The following SORCS1 variants were observed in gnomAD, a reference collection of about 807,000 sequenced individuals.
SORCS1 encodes sortilin related VPS10 domain containing receptor 1.
SORCS1 carries 60 observed loss-of-function variants against 146.1 expected under a neutral mutation model. The observed-to-expected ratio is 0.41, with a 90% CI of 0.33 to 0.51. The LOEUF (loss-of-function observed/expected upper bound fraction) is 0.51. Among genes scored for constraint, SORCS1 ranks in the 20% least tolerant of loss-of-function variants. SORCS1 has a pLI of 0.21. For synonymous variants in SORCS1, 637 were observed against 584.0 expected (o/e 1.09, Z -1.31); for missense variants, 1,352 against 1,487.6 (o/e 0.91, Z 1.50).
intron 4 of SORCS1, among the ~76,000 whole-genome samples, chr10:106,775,989 T>G (rs1385888285): frequency 6.6e-6 from 1 of 152,200 alleles, no homozygotes; most frequent in African/African-American, 2.4e-5. Context: ...TAATCCTTTC[T>G]TACGAAGTGG....
intron 1 of SORCS1, among the ~76,000 whole-genome samples, chr10:107,033,720 G>A (rs1589978413): frequency 1.3e-5 from 2 of 152,180 alleles, no homozygotes; most frequent in African/African-American, 4.8e-5. Flanking sequence ...AAAGCGGCTA[G>A]AGTTTAGCTA....
intron 19 of SORCS1, among the ~76,000 whole-genome samples, chr10:106,628,006 TGA>T (rs1489631097): frequency 6.6e-6 from 1 of 152,134 alleles, no homozygotes; most frequent in African/African-American, 2.4e-5. Flanking sequence ...TTTTGAGAAG[TGA>T]GATAACATAT....
chr10:106,963,471 C>G (rs926449106), intron 1 of SORCS1, among the ~76,000 whole-genome samples: 2 of 152,192 alleles, frequency 1.3e-5, no homozygotes, highest in African/African-American at 2.4e-5. Flanking sequence ...AAGCAGCAAA[C>G]TCACAGCACT....
intron 1 of SORCS1, among the ~76,000 whole-genome samples, chr10:107,000,669 C>G (rs1328647934): frequency 1.3e-5 from 2 of 150,824 alleles, no homozygotes; most frequent in African/African-American, 2.4e-5. Flanking sequence ...CAAGCTAATA[C>G]CTGGCTTACA....
At chr10:106,631,102 A>C (rs1848414678) in intron 18 of SORCS1, among the ~76,000 whole-genome samples, 1 of 152,226 alleles carries the variant, frequency 6.6e-6, no homozygotes, top group East Asian at 1.9e-4. Context: ...AAATGTTGAC[A>C]TTTAAAAGAT....
At chr10:106,940,600 T>C (rs1953989391) in intron 2 of SORCS1, among the ~76,000 whole-genome samples, 1 of 152,192 alleles carries the variant, frequency 6.6e-6, no homozygotes, top group African/African-American at 2.4e-5. Context: ...AAAAGTAGGC[T>C]TGGCTGGACA....
At chr10:107,050,230 T>A (rs955605095) in intron 1 of SORCS1, among the ~76,000 whole-genome samples, 1 of 152,210 alleles carries the variant, frequency 6.6e-6, no homozygotes, top group African/African-American at 2.4e-5. Context: ...CACATAATGG[T>A]TAGATTTCTT....
intron 1 of SORCS1, among the ~76,000 whole-genome samples, chr10:107,000,680 C>G (rs565571359): frequency 6.6e-6 from 1 of 150,998 alleles, no homozygotes; most frequent in East Asian, 1.9e-4. Context: ...CTGGCTTACA[C>G]AAAATGGAGG....
chr10:107,003,699 G>A (rs1463896844), intron 1 of SORCS1, among the ~76,000 whole-genome samples: 1 of 151,970 alleles, frequency 6.6e-6, no homozygotes, highest in Non-Finnish European at 1.5e-5. Flanking sequence ...GGAGTCTCTG[G>A]CCTTGTGAAG....
chr10:106,799,281 A>G (rs1248124710), intron 3 of SORCS1, among the ~76,000 whole-genome samples: 1 of 152,238 alleles, frequency 6.6e-6, no homozygotes, highest in African/African-American at 2.4e-5. Flanking sequence ...AAAACCCTAG[A>G]AGAAAACCTA....
chr10:106,748,507 C>T (rs549123623), intron 5 of SORCS1, among the ~76,000 whole-genome samples: 4 of 152,188 alleles, frequency 2.6e-5, no homozygotes, highest in African/African-American at 7.2e-5. Flanking sequence ...CTCAGGCCTC[C>T]CTATTCCCCG....
At chr10:106,587,116 C>T (rs1845288479) in intron 24 of SORCS1, among the ~76,000 whole-genome samples, 1 of 152,108 alleles carries the variant, frequency 6.6e-6, no homozygotes, top group African/African-American at 2.4e-5. Flanking sequence ...TGAAAAGCCG[C>T]TGGGTCTATG....
Position 106,575,951 on chromosome 10 carries a change from A to G in SORCS1, c.*1469T>C, listed in dbSNP as rs1844556801. ...TGCCCTGCGAAATTGTCACACATTC[A>G]AAACATTTCTCACAAGAATCTTCTG... On this transcript the variant is annotated 3_prime_UTR_variant, in exon 26 of 26. Coordinates refer to ENST00000263054, the MANE Select transcript of SORCS1 (RefSeq NM_052918.5). 6.5e-6 allele frequency: 1 copy of G among 152,676 alleles called. No individual in the cohort carries two copies. Among genetic ancestry groups the G allele is most frequent in the African/African-American group, 2.4e-5 (1 of 41,476 alleles). The allele number at this position is 152,676 out of a possible 1,614,324, so 9.5% of individuals were successfully genotyped here.
Position 106,577,455 on chromosome 10 carries a change from T to C in SORCS1, c.3472A>G (p.Lys1158Glu). The C allele has an allele frequency of 6.2e-7, 1 of 1,614,028 alleles. No individual in the cohort carries two copies. The highest frequency in any genetic ancestry group is 8.5e-7 in the Non-Finnish European group (1 of 1,179,930). The change falls in exon 26 of 26, where the codon AAG (lysine) becomes GAG (glutamate). Residue 1158 changes from lysine (K) to glutamate (E), a missense_variant. Around this residue, in one of 3 missense-constraint regions of SORCS1, gnomAD observed 214 missense variants for 204.8 expected, o/e 1.05. Transcript: ENST00000263054. Reference protein sequence around the residue: ...ARHATPPSTPKRGSAGAQYAI With the variant: ...ARHATPPSTPERGSAGAQYAI ...TACTGTGCCCCAGCAGATCCCCGCT[T>C]TGGCGTTGAAGGCGGAGTGGCGTGT...
chr10:107,071,076 C>T (rs1962378685), intron 1 of SORCS1, among the ~76,000 whole-genome samples: 1 of 152,178 alleles, frequency 6.6e-6, no homozygotes, highest in Non-Finnish European at 1.5e-5. Context: ...AGGCTGGGCA[C>T]ACGACAGTGA....
chr10:106,774,426 A>AGTGTGTGTGT lies in SORCS1; in HGVS notation c.885+2098_885+2107dup, dbSNP rs3045083. Among the ~76,000 whole-genome samples, 235 of 147,732 alleles carry AGTGTGTGTGT rather than the reference A, an allele frequency of 1.6e-3. 2 individuals are homozygous for AGTGTGTGTGT. The highest frequency in any genetic ancestry group is 3.4e-3 in the South Asian group (16 of 4,642). On this transcript the variant is annotated intron_variant, in intron 4 of 25. Transcript: ENST00000263054. ...AAAAATAATAAGGATTAGGTTCCAA[A>AGTGTGTGTGT]GTGTGTGTGTGTGTGTGTGTGTGTG...
chr10:106,886,829 C>T (rs1053247756), intron 2 of SORCS1, among the ~76,000 whole-genome samples: 20 of 152,112 alleles, frequency 1.3e-4, no homozygotes, highest in African/African-American at 3.9e-4. Context: ...ATGTATTAGA[C>T]GATACAAATA....
At chr10:107,163,577 C>T (rs1229154892) in intron 1 of SORCS1, among the ~76,000 whole-genome samples, 2 of 152,230 alleles carry the variant, frequency 1.3e-5, no homozygotes, top group Non-Finnish European at 2.9e-5. Context: ...GTACATAGGT[C>T]TGGCAAGTAA....
At chr10:106,669,925 T>C (rs1340334653) in intron 16 of SORCS1, among the ~76,000 whole-genome samples, 1 of 152,228 alleles carries the variant, frequency 6.6e-6, no homozygotes, top group Non-Finnish European at 1.5e-5. Context: ...TTAACTTTTC[T>C]AAGATATGTG....
Sources: gnomAD v4.1 joint callset for allele counts (sites outside exome capture counted in the v4.1 genomes callset) on GRCh38, gnomAD v4.1.1 for gene constraint, gnomAD v4.1.1 regional missense constraint, MANE v1.5 for transcripts, NCBI Gene and HGNC (gene_info 2026-07-23, HGNC 2026-07-21) for gene names.